Variants in RPGRIP1 observed in about 807,000 individuals in gnomAD.
RPGRIP1 encodes X-linked retinitis pigmentosa GTPase regulator-interacting protein 1.
Under a neutral mutation model 157.9 loss-of-function variants are expected in RPGRIP1, and 128 were observed. The ratio of observed to expected loss-of-function variants is 0.81; its 90% CI spans 0.70 to 0.94. The LOEUF (loss-of-function observed/expected upper bound fraction) is 0.94, where lower values mean the gene tolerates loss of function less well. Among genes scored for constraint, RPGRIP1 ranks in the 40% least tolerant of loss-of-function variants. The pLI is 0.00. For synonymous variants in RPGRIP1, 554 were observed against 571.6 expected (o/e 0.97, Z 0.44); for missense variants, 1,486 against 1,545.8 (o/e 0.96, Z 0.65).
intron 7 of RPGRIP1, among the ~76,000 whole-genome samples, chr14:21,308,097 T>A (rs936867307): frequency 6.6e-6 from 1 of 152,160 alleles, no homozygotes; most frequent in Non-Finnish European, 1.5e-5. Flanking sequence ...GGAGTTAACT[T>A]GTGTAAGGGT....
chr14:21,345,059 C>A, intron 22 of RPGRIP1, 54 bp from the exon 23 acceptor site: 1 of 1,145,104 alleles, frequency 8.7e-7, no homozygotes, highest in Non-Finnish European at 1.3e-6. Context: ...AGTCTTGGGG[C>A]TCACACTGCA....
chr14:21,326,237 C>A, intron 17 of RPGRIP1, 64 bp downstream of exon 17: 1 of 1,109,310 alleles, frequency 9.0e-7, no homozygotes, highest in Non-Finnish European at 1.3e-6. Context: ...TGTCCTGATT[C>A]TACTTTTCTT....
intron 1 of RPGRIP1, among the ~76,000 whole-genome samples, chr14:21,287,555 C>T (rs1016634365): frequency 1.3e-5 from 2 of 152,056 alleles, no homozygotes; most frequent in Non-Finnish European, 2.9e-5. Flanking sequence ...GCAATGGCTT[C>T]GGGGACTGGA....
chr14:21,341,999 G>A (rs1006570443), intron 21 of RPGRIP1, among the ~76,000 whole-genome samples: 3 of 151,360 alleles, frequency 2.0e-5, no homozygotes, highest in Non-Finnish European at 4.4e-5. Flanking sequence ...GCTGTGAGCC[G>A]AGATCGTGCC....
intron 23 of RPGRIP1, among the ~76,000 whole-genome samples, chr14:21,346,052 C>T (rs1274765866): frequency 6.6e-6 from 1 of 152,086 alleles, no homozygotes; most frequent in Non-Finnish European, 1.5e-5. Flanking sequence ...CCCAGGTGAT[C>T]CTTCTGCCTC....
At chr14:21,320,252 G>A in intron 12 of RPGRIP1, 75 bp downstream of exon 12, 2 of 1,327,586 alleles carry the variant, frequency 1.5e-6, no homozygotes, top group Non-Finnish European at 2.1e-6. Flanking sequence ...AAGATGATGA[G>A]ATTAGAAAAC....
At chr14:21,321,489 T>G in intron 13 of RPGRIP1, 87 bp downstream of exon 13, 3 of 1,527,940 alleles carry the variant, frequency 2.0e-6, no homozygotes, top group Non-Finnish European at 2.6e-6. Flanking sequence ...AGACCTAAGT[T>G]TCCAGGGCTG....
At position 21,339,577 on chromosome 14, in the gene RPGRIP1, G is replaced by A. The variant is rs1884776898; in HGVS notation, c.3340-3459G>A. Among the ~76,000 whole-genome samples the A allele has an allele frequency of 2.0e-5, 3 of 152,216 alleles. No homozygotes were observed. In the South Asian group the frequency reaches 6.2e-4, roughly 32 times the overall value. ...ATTTTTCAATCAATAATGTTTTGGG[G>A]TTCTATCCATGTCGATATATTTAGC... On this transcript the variant is annotated intron_variant, in intron 21 of 24. Coordinates refer to ENST00000400017, the MANE Select transcript of RPGRIP1 (RefSeq NM_020366.4).
In RPGRIP1 at chr14:21,321,360, G is replaced by A. The variant is rs775613696; in HGVS notation, c.1569G>A (p.Arg523=). ...CCACATTGGAACTAGAAAAGACCAG[G>A]GACATGCTTATTCTGCAGCGCAAAA... is the stretch of plus-strand genomic sequence containing the variant. The part of the protein sequence containing the change: ...AETTLELEKT[R]DMLILQRKIN... The change falls in exon 13 of 25, where the codon AGG becomes AGA. Residue 523 remains arginine, a synonymous_variant. Transcript: ENST00000400017. The A allele has an allele frequency of 4.3e-6, 7 of 1,613,344 alleles. No individual in the cohort carries two copies. The highest frequency in any genetic ancestry group is 5.1e-6 in the Non-Finnish European group (6 of 1,179,752).
intron 1 of RPGRIP1, among the ~76,000 whole-genome samples, chr14:21,285,676 G>A (rs964160747): frequency 6.6e-6 from 1 of 151,712 alleles, no homozygotes; most frequent in Non-Finnish European, 1.5e-5. Context: ...GGTGAGGAGT[G>A]TTGTGAGCTA....
intron 9 of RPGRIP1, 140 bp downstream of exon 9, chr14:21,312,110 A>C: frequency 1.3e-6 from 1 of 775,332 alleles, no homozygotes; most frequent in Non-Finnish European, 2.1e-6. Flanking sequence ...TTTGCTTAAG[A>C]TTACACCATT....
In RPGRIP1 at chr14:21,348,164, C is replaced by T. The variant is rs1345837750; in HGVS notation, c.3618-8C>T. 1 of 1,561,644 alleles carries T rather than the reference C, an allele frequency of 6.4e-7. No homozygotes were observed. The highest frequency in any genetic ancestry group is 2.0e-5 in the Admixed American group (1 of 49,204). The stretch of plus-strand genomic sequence containing the variant: ...AACAGTGCTGAATTAAATGCAATTT[C>T]TTTTTAGTTTAAAGTTTACAGTGGT... On this transcript the variant is annotated splice_region_variant and splice_polypyrimidine_tract_variant and intron_variant, in intron 23 of 24. Coordinates refer to ENST00000400017, the MANE Select transcript of RPGRIP1 (RefSeq NM_020366.4).
rs949863162 is a variant in RPGRIP1, at chr14:21,330,563, G to A, written c.3238+176G>A. ...CGCCTGTAATCCCAGCTACGTGGGC[G>A]GCGGAGGCAGGAGAATTGCTTGAAC... On this transcript the variant is annotated intron_variant, in intron 20 of 24. Coordinates refer to ENST00000400017, the MANE Select transcript of RPGRIP1 (RefSeq NM_020366.4). 3.9e-5 allele frequency among the ~76,000 whole-genome samples: 6 copies of A among 152,138 alleles called. No homozygotes were observed. The South Asian group carries it at 6.2e-4, about 16-fold the overall frequency.
intron 3 of RPGRIP1, among the ~76,000 whole-genome samples, chr14:21,296,514 T>G (rs986230296): frequency 6.6e-6 from 1 of 151,396 alleles, no homozygotes; most frequent in African/African-American, 2.4e-5. Context: ...ACGCCAGGCC[T>G]TAATATTTGT....
In RPGRIP1 at chr14:21,324,803, C is replaced by T. The variant is rs1740380459; in HGVS notation, c.1948C>T (p.Pro650Ser). 1.9e-6 allele frequency: 3 copies of T among 1,614,066 alleles called. No homozygotes were observed. The highest frequency in any genetic ancestry group is 2.5e-6 in the Non-Finnish European group (3 of 1,179,900). The change falls in exon 15 of 25, where the codon CCT becomes TCT. Residue 650 changes from proline to serine, a missense_variant. Pro to Ser is a moderately conservative substitution (Grantham distance 74). Coordinates refer to ENST00000400017, the MANE Select transcript of RPGRIP1 (RefSeq NM_020366.4). Reference protein sequence around the residue: ...AALAQAGDTQPTTFCTYSFYD... With the variant: ...AALAQAGDTQSTTFCTYSFYD... ...CCTAGCTCAGGCTGGAGATACCCAA[C>T]CTACCACTTTCTGCACCTATTCCTT...
intron 21 of RPGRIP1, among the ~76,000 whole-genome samples, chr14:21,337,046 T>C (rs1884434912): frequency 6.6e-6 from 1 of 152,170 alleles, no homozygotes; most frequent in African/African-American, 2.4e-5. Flanking sequence ...TTCCAAAATG[T>C]CCAGGCATGA....
chr14:21,301,069 G>A lies in RPGRIP1; in HGVS notation c.322G>A (p.Gly108Arg), dbSNP rs1252806078. ...SETARRGQKA[G>R]WRQRLSMHQR... ...GACCGCAAGGCGCGGGCAGAAGGCG[G>A]GATGGCGGCAGCGCCTCTCCATGCA... The change falls in exon 4 of 25, where the codon GGA becomes AGA. Residue 108 changes from glycine (G) to arginine (R), a missense_variant. Physicochemically the swap from Gly to Arg is moderately radical, Grantham distance 125. Coordinates refer to ENST00000400017, the MANE Select transcript of RPGRIP1 (RefSeq NM_020366.4). The A allele has an allele frequency of 3.7e-6, 6 of 1,612,618 alleles. No homozygotes were observed. The highest frequency in any genetic ancestry group is 3.3e-4 in the Middle Eastern group (2 of 6,078).
chr14:21,345,477 C>T (rs1885471494), intron 23 of RPGRIP1, among the ~76,000 whole-genome samples: 2 of 152,050 alleles, frequency 1.3e-5, no homozygotes, highest in African/African-American at 4.8e-5. Flanking sequence ...TCTTGGCTCA[C>T]TGCAACCTCC....
At chr14:21,303,239 GT>G in intron 5 of RPGRIP1, 91 bp from the exon 6 acceptor site, 1 of 831,722 alleles carries the variant, frequency 1.2e-6, no homozygotes, top group Non-Finnish European at 1.9e-6. Context: ...ATGTACCAAG[GT>G]TACTGATTCA....
Sources: gnomAD v4.1 joint callset for allele counts (sites outside exome capture counted in the v4.1 genomes callset) on GRCh38, gnomAD v4.1.1 for gene constraint, MANE v1.5 for transcripts, NCBI Gene and HGNC (gene_info 2026-07-23, HGNC 2026-07-21) for gene names.